Variants in ZNF280D observed in about 807,000 individuals in gnomAD.
ZNF280D encodes the protein zinc finger protein 280D.
Under a neutral mutation model 94.7 loss-of-function variants are expected in ZNF280D, and 39 were observed. The observed-to-expected ratio is 0.41, with a 90% CI of 0.32 to 0.54. The LOEUF (loss-of-function observed/expected upper bound fraction) is 0.54, where lower values mean the gene tolerates loss of function less well. Among genes scored for constraint, ZNF280D ranks in the 20% least tolerant of loss-of-function variants. The probability of loss-of-function intolerance (pLI) is 0.22; values close to 1 mark genes in which losing one functional copy is unlikely to be tolerated. For synonymous variants in ZNF280D, 398 were observed against 377.6 expected (o/e 1.05, Z -0.63); for missense variants, 1,090 against 1,149.3 (o/e 0.95, Z 0.75).
At chr15:56,658,755 G>C (rs563436585) in intron 16 of ZNF280D, among the ~76,000 whole-genome samples, 102 of 152,102 alleles carry the variant, frequency 6.7e-4, no homozygotes, top group African/African-American at 2.3e-3. Flanking sequence ...GAAATACTGA[G>C]AATTAAGAAA....
At chr15:56,699,704 A>T (rs1381166102) in intron 6 of ZNF280D, 4 of 452,950 alleles carry the variant, frequency 8.8e-6, no homozygotes, top group African/African-American at 8.5e-5. Flanking sequence ...CTCACAATTC[A>T]ATCACACAAG....
intron 1 of ZNF280D, among the ~76,000 whole-genome samples, chr15:56,715,053 G>A (rs140286584): frequency 3.1e-4 from 47 of 152,048 alleles, no homozygotes; most frequent in African/African-American, 1.0e-3. Flanking sequence ...ACGTGTTGGG[G>A]GCACCATAGA....
chr15:56,723,100 G>C (rs2058455925), intron 1 of ZNF280D, among the ~76,000 whole-genome samples: 1 of 117,720 alleles, frequency 8.5e-6, no homozygotes, highest in Non-Finnish European at 1.7e-5. Flanking sequence ...AGGGGGGAGG[G>C]ATAGCACTGG....
intron 6 of ZNF280D, among the ~76,000 whole-genome samples, chr15:56,695,108 T>G (rs1283613137): frequency 6.6e-6 from 1 of 152,058 alleles, no homozygotes; most frequent in East Asian, 1.9e-4. Context: ...GTTTCACTTT[T>G]GTTGCCCAGG....
At chr15:56,674,690 G>GATCTAAATATAGTTCTCTGCCAGAGTT (rs2055096882) in intron 13 of ZNF280D, among the ~76,000 whole-genome samples, 3 of 151,982 alleles carry the variant, frequency 2.0e-5, no homozygotes, top group African/African-American at 7.2e-5. Flanking sequence ...ACAAGAAAAT[G>GATCTAAATATAGTTCTCTGCCAGAGTT]CATGTAAAGT....
chr15:56,693,626 A>C (rs1297024291), intron 6 of ZNF280D, among the ~76,000 whole-genome samples: 3 of 152,092 alleles, frequency 2.0e-5, no homozygotes, highest in African/African-American at 7.2e-5. Context: ...AGGACAAAAA[A>C]TAGAACTTAG....
chr15:56,636,074 A>C (rs2052336214), intron 20 of ZNF280D, among the ~76,000 whole-genome samples: 2 of 152,224 alleles, frequency 1.3e-5, no homozygotes, highest in South Asian at 4.1e-4. Context: ...TGGTGTATTA[A>C]TCACACACAC....
rs1491164823 is a variant in ZNF280D, at chr15:56,669,902, A to ATATATATATTATATATATATT, written c.1411-946_1411-945insAATATATATATAATATATATA. Among the ~76,000 whole-genome samples the ATATATATATTATATATATATT allele has an allele frequency of 1.1e-3, 3 of 2,734 alleles. 1 individual carries two copies. Among genetic ancestry groups the ATATATATATTATATATATATT allele is most frequent in the Non-Finnish European group, 1.5e-3 (2 of 1,332 alleles). The allele number at this position is 2,734 out of a possible 152,430, so 1.8% of individuals were successfully genotyped here. On this transcript the variant is annotated intron_variant, in intron 13 of 21. Transcript: ENST00000267807. ...ATATATATATATTATATATATATAT[A>ATATATATATTATATATATATT]ATATATATATATTATATATATATTA...
intron 1 of ZNF280D, among the ~76,000 whole-genome samples, chr15:56,717,307 G>T (rs1428559747): frequency 6.6e-6 from 1 of 152,098 alleles, no homozygotes; most frequent in Non-Finnish European, 1.5e-5. Context: ...GCTTTGTCTA[G>T]GTCAAGTTGA....
intron 1 of ZNF280D, among the ~76,000 whole-genome samples, chr15:56,729,330 C>T (rs568578543): frequency 4.1e-4 from 63 of 152,316 alleles, no homozygotes; most frequent in African/African-American, 1.4e-3. Flanking sequence ...TTAGTTGGCA[C>T]TGTTAGGAAG....
intron 6 of ZNF280D, chr15:56,700,321 T>C (rs2056988576): frequency 2.1e-6 from 1 of 474,656 alleles, no homozygotes; most frequent in Non-Finnish European, 2.8e-6. Flanking sequence ...CTCAGTTTCC[T>C]CAACTAAAAA....
At chr15:56,662,977 T>A (rs906514860) in intron 16 of ZNF280D, among the ~76,000 whole-genome samples, 10 of 151,572 alleles carry the variant, frequency 6.6e-5, no homozygotes, top group African/African-American at 2.4e-4. Context: ...TACCGAATAG[T>A]CACTGTAGAA....
chr15:56,654,624 G>C lies in ZNF280D; in HGVS notation c.2058-121C>G, dbSNP rs2053420346. The C allele has an allele frequency of 4.2e-5, 35 of 838,756 alleles. 1 individual carries two copies. In the South Asian group the frequency reaches 6.7e-4, roughly 16 times the overall value. The allele number at this position is 838,756 out of a possible 1,614,324, so 52.0% of individuals were successfully genotyped here. ...TACATAACTATAACTTCCCATTTTT[G>C]TTATATAAATTTGACATAAACTGAC... On this transcript the variant is annotated intron_variant, in intron 17 of 21. Coordinates refer to ENST00000267807, the MANE Select transcript of ZNF280D (RefSeq NM_017661.4).
intron 1 of ZNF280D, among the ~76,000 whole-genome samples, chr15:56,725,461 G>C (rs1229465075): frequency 1.3e-5 from 2 of 152,046 alleles, no homozygotes; most frequent in Non-Finnish European, 2.9e-5. Context: ...AAAATTTAAA[G>C]AGTGGTATTG....
chr15:56,680,920 T>C (rs937668594), intron 10 of ZNF280D, among the ~76,000 whole-genome samples: 1 of 152,222 alleles, frequency 6.6e-6, no homozygotes, highest in Admixed American at 6.5e-5. Flanking sequence ...TTTACTAACA[T>C]GATTTCCCGA....
chr15:56,697,968 G>A (rs1329142943), intron 6 of ZNF280D: 3 of 152,090 alleles, frequency 2.0e-5, no homozygotes, highest in Non-Finnish European at 4.4e-5. Context: ...ATGACATGTT[G>A]TTTTGGTTGA....
chr15:56,667,985 T>C, intron 14 of ZNF280D: 1 of 274,936 alleles, frequency 3.6e-6, no homozygotes, highest in Non-Finnish European at 7.1e-6. Flanking sequence ...GAGAGAGGAC[T>C]GCACTGCTTA....
At chr15:56,654,001 T>G (rs1445309900) in intron 19 of ZNF280D, 197 bp downstream of exon 19, 9 of 1,435,102 alleles carry the variant, frequency 6.3e-6, no homozygotes, top group Non-Finnish European at 8.2e-6. Context: ...ACTTTGAACT[T>G]AGGAAATTCC....
At chr15:56,691,759 G>C (rs1224381686) in intron 7 of ZNF280D, among the ~76,000 whole-genome samples, 2 of 152,116 alleles carry the variant, frequency 1.3e-5, no homozygotes, top group African/African-American at 2.4e-5. Context: ...GTATTGTCAA[G>C]TCTTTTAAAG....
Sources: allele counts gnomAD v4.1 joint callset (sites outside exome capture counted in the v4.1 genomes callset), GRCh38; gene constraint gnomAD v4.1.1; transcripts MANE v1.5; gene names NCBI Gene and HGNC (gene_info 2026-07-23, HGNC 2026-07-21).